TMEM132B: variants seen among roughly 807,000 people sequenced by gnomAD.
The protein encoded by TMEM132B is transmembrane protein 132B.
A neutral mutation model predicts 90.8 loss-of-function variants in TMEM132B; 18 were observed. That is an observed-to-expected ratio of 0.20 (90% CI 0.14 to 0.29). TMEM132B has a LOEUF of 0.29. Among genes scored for constraint, TMEM132B ranks in the 10% least tolerant of loss-of-function variants. The pLI, the probability that TMEM132B is intolerant of heterozygous loss-of-function variation, is 1.00. For synonymous variants in TMEM132B, 504 were observed against 523.3 expected (o/e 0.96, Z 0.50); for missense variants, 1,096 against 1,326.8 (o/e 0.83, Z 2.70).
rs183165670 is a variant in TMEM132B at position 125,326,494 on chromosome 12, T to C, written c.68-22958T>C. On this transcript the variant is annotated intron_variant, in intron 1 of 8. Transcript: ENST00000682704. ...GCACATGAGCTCTGACATTCCGTTG[T>C]CCTGGCAACCTGTATAGTAAACATC... 2.3e-4 allele frequency: 243 copies of C among 1,070,770 alleles called. No individual in the cohort carries two copies. The African/African-American group carries it at 3.2e-3, about 14-fold the overall frequency. 66.3% of individuals were successfully genotyped at this position (1,070,770 alleles called of 1,614,324 possible). A position where few individuals can be genotyped will look rare whatever the true frequency, so the allele number is the denominator to read the frequency against.
At chr12:125,368,420 G>T (rs927334759) in intron 2 of TMEM132B, among the ~76,000 whole-genome samples, 10 of 152,190 alleles carry the variant, frequency 6.6e-5, no homozygotes, top group African/African-American at 2.4e-4. Context: ...TGAAGTTACT[G>T]CTTTTCTCTT....
chr12:125,644,789 C>G (rs1224415862), intron 6 of TMEM132B, among the ~76,000 whole-genome samples: 1 of 152,086 alleles, frequency 6.6e-6, no homozygotes, highest in East Asian at 1.9e-4. Context: ...TGAATTTTAA[C>G]CCCAGCTTTA....
In TMEM132B at chr12:125,492,440, G is replaced by A. The variant is rs1882380066; in HGVS notation, c.1107-26999G>A. 6.6e-6 allele frequency among the ~76,000 whole-genome samples: 1 copy of A among 152,182 alleles called. No homozygotes were observed. The highest frequency in any genetic ancestry group is 2.4e-5 in the African/African-American group (1 of 41,446). On this transcript the variant is annotated intron_variant, in intron 3 of 8. Coordinates refer to ENST00000682704, the MANE Select transcript of TMEM132B (RefSeq NM_001366854.1). This position sits in a 1 kb window ranked among gnomAD's most constrained non-coding sequence, Gnocchi z 5.8. ...TGAGGGTAAGGGAAGGGGACTGCACGGCTGCTTTGCAGGGGCCCCGACTGC... is the reference window on the plus strand; with the variant it reads ...TGAGGGTAAGGGAAGGGGACTGCACAGCTGCTTTGCAGGGGCCCCGACTGC...
chr12:125,590,152 A>G (rs1258248763), intron 5 of TMEM132B, among the ~76,000 whole-genome samples: 1 of 152,118 alleles, frequency 6.6e-6, no homozygotes, highest in African/African-American at 2.4e-5. Context: ...GGTCCTTGCC[A>G]GAAGCAGATG....
intron 5 of TMEM132B, among the ~76,000 whole-genome samples, chr12:125,599,629 T>C (rs1885524892): frequency 6.6e-6 from 1 of 152,110 alleles, no homozygotes; most frequent in African/African-American, 2.4e-5. Flanking sequence ...AATAAAGAAG[T>C]AGTAGAAGTT....
chr12:125,474,850 C>T (rs1024577631), intron 3 of TMEM132B, among the ~76,000 whole-genome samples: 12 of 151,980 alleles, frequency 7.9e-5, no homozygotes, highest in African/African-American at 1.9e-4. Context: ...CTGTCCCCTG[C>T]GCCTGGCAGA....
chr12:125,198,398 C>T (rs1329557710), intron 1 of TMEM132B, among the ~76,000 whole-genome samples: 1 of 152,202 alleles, frequency 6.6e-6, no homozygotes, highest in Non-Finnish European at 1.5e-5. Flanking sequence ...CTTTTTCTCT[C>T]TGTGTTGACT....
rs1163552616 is a variant in TMEM132B at position 125,490,127 on chromosome 12, G to A, written c.1107-29312G>A. Among the ~76,000 whole-genome samples, 3 of 152,134 alleles carry A rather than the reference G, an allele frequency of 2.0e-5. No homozygotes were observed. Among genetic ancestry groups the A allele is most frequent in the Admixed American group, 1.3e-4 (2 of 15,284 alleles). ...TAAAGAATGCTAAATGGTTTTCCTT[G>A]CCTCTTAGTAGTAACTAAAATACTA... On this transcript the variant is annotated intron_variant, in intron 3 of 8. Transcript: ENST00000682704. This position sits in a 1 kb window ranked among gnomAD's most constrained non-coding sequence, Gnocchi z 4.2.
At chr12:125,495,021 A>T (rs1440054383) in intron 3 of TMEM132B, among the ~76,000 whole-genome samples, 3 of 70,576 alleles carry the variant, frequency 4.3e-5, no homozygotes, top group Non-Finnish European at 8.1e-5. Context: ...CCTCCCTGGA[A>T]GAAATGGATG....
At chr12:125,290,753 C>CTACAGTGTCCTGG (rs547168112) in intron 1 of TMEM132B, among the ~76,000 whole-genome samples, 91 of 152,272 alleles carry the variant, frequency 6.0e-4, no homozygotes, top group African/African-American at 2.1e-3. Flanking sequence ...GTAAACAATA[C>CTACAGTGTCCTGG]TACAGTGAGT....
At chr12:125,320,656 G>C (rs1305144943) in intron 1 of TMEM132B, among the ~76,000 whole-genome samples, 1 of 152,112 alleles carries the variant, frequency 6.6e-6, no homozygotes, top group Non-Finnish European at 1.5e-5. Context: ...AAGCTGAGTC[G>C]ACCTCAGTCT....
chr12:125,340,070 G>A (rs1240478011), intron 1 of TMEM132B, among the ~76,000 whole-genome samples: 2 of 152,140 alleles, frequency 1.3e-5, no homozygotes, highest in East Asian at 3.8e-4. Flanking sequence ...AACATAATCA[G>A]GAAGCATTAG....
chr12:125,505,188 A>AAAAC, intron 3 of TMEM132B, among the ~76,000 whole-genome samples: 1 of 146,846 alleles, frequency 6.8e-6, no homozygotes, highest in African/African-American at 2.6e-5. Context: ...AAAAAAAAAA[A>AAAAC]AAAAAAACAG....
intron 1 of TMEM132B, among the ~76,000 whole-genome samples, chr12:125,274,553 A>G (rs11058115): frequency 0.22 from 34,132 of 152,216 alleles, 6,333 homozygotes; most frequent in African/African-American, 0.51. Flanking sequence ...GTCAATGCTC[A>G]TTGCCAGACT....
intron 1 of TMEM132B, among the ~76,000 whole-genome samples, chr12:125,230,415 C>T (rs1036708245): frequency 2.6e-5 from 4 of 151,948 alleles, no homozygotes; most frequent in Non-Finnish European, 5.9e-5. Flanking sequence ...CCTCAGGCCT[C>T]GCCCTGGACC....
At chr12:125,590,078 C>T (rs953965282) in intron 5 of TMEM132B, among the ~76,000 whole-genome samples, 4 of 152,048 alleles carry the variant, frequency 2.6e-5, no homozygotes, top group African/African-American at 9.7e-5. Flanking sequence ...CTCCTCACTC[C>T]CTCTCTGACC....
At chr12:125,615,946 CT>C (rs201994182) in intron 5 of TMEM132B, among the ~76,000 whole-genome samples, 2,765 of 152,122 alleles carry the variant, frequency 0.018, 35 homozygotes, top group Middle Eastern at 0.027. Flanking sequence ...ATGGTTGACA[CT>C]TTTTTTTATT....
intron 5 of TMEM132B, among the ~76,000 whole-genome samples, chr12:125,617,164 T>C (rs56711923): frequency 0.52 from 79,757 of 151,998 alleles, 21,462 homozygotes; most frequent in African/African-American, 0.64. Flanking sequence ...CTGATCTCTA[T>C]GCCCATGGCT....
chr12:125,484,954 C>T (rs1353889063), intron 3 of TMEM132B, among the ~76,000 whole-genome samples: 1 of 152,014 alleles, frequency 6.6e-6, no homozygotes, highest in Admixed American at 6.6e-5. Flanking sequence ...GGCTGGTGTC[C>T]TCCAAAAACT....
Sources: gnomAD v4.1 joint callset for allele counts (sites outside exome capture counted in the v4.1 genomes callset) on GRCh38, gnomAD v4.1.1 for gene constraint, Gnocchi (gnomAD v3.1) non-coding constraint, MANE v1.5 for transcripts, NCBI Gene and HGNC (gene_info 2026-07-23, HGNC 2026-07-21) for gene names.